Variants in PSMG3 observed in about 807,000 individuals in gnomAD.
PSMG3 encodes PAC-3.
A neutral mutation model predicts 7.9 loss-of-function variants in PSMG3; 4 were observed. The ratio of observed to expected loss-of-function variants is 0.51; its 90% CI spans 0.25 to 1.16. PSMG3 has a LOEUF of 1.16. Ranked by LOEUF, PSMG3 falls within the 50% of genes most tolerant of loss-of-function variation. The pLI, the probability that PSMG3 is intolerant of heterozygous loss-of-function variation, is 0.15. For synonymous variants in PSMG3, 81 were observed against 69.8 expected (o/e 1.16, Z -0.80); for missense variants, 151 against 157.4 (o/e 0.96, Z 0.22).
At chr7:1,567,977 C>A in intron 1 of PSMG3, 127 bp from the exon 2 acceptor site, 3 of 804,554 alleles carry the variant, frequency 3.7e-6, no homozygotes, top group Non-Finnish European at 5.8e-6. Flanking sequence ...CCACATAAGT[C>A]CATGCAACTG....
rs775920433 is a variant in PSMG3, at chr7:1,569,215, A to T, written c.125T>A (p.Met42Lys). 2 of 1,613,714 alleles carry T rather than the reference A, an allele frequency of 1.2e-6. No homozygotes were observed. The highest frequency in any genetic ancestry group is 2.2e-5 in the South Asian group (2 of 91,090). ...GGGCTCCAGGGAGACCAGGGTGCCC[A>T]TCTTCCCAAACTGGGTCACCACCAC... ...ILVVVTQFGK[M>K]GTLVSLEPSS... is the part of the protein sequence containing the mutation. Residue 42 changes from methionine (M) to lysine (K), a missense_variant, in exon 1 of 2, where the codon ATG (methionine) becomes AAG (lysine). Met to Lys is a moderately conservative substitution (Grantham distance 95). Transcript: ENST00000288607.
At chr7:1,569,002 G>C in intron 1 of PSMG3, 122 bp downstream of exon 1, 1 of 737,446 alleles carries the variant, frequency 1.4e-6, no homozygotes, top group Non-Finnish European at 2.3e-6. Context: ...TGACTTGTGT[G>C]TGTGTTGTTG....
chr7:1,567,453 G>A lies in PSMG3; in HGVS notation c.*245C>T, dbSNP rs909018263. The A allele has an allele frequency of 1.1e-5, 4 of 380,596 alleles. No homozygotes were observed. The highest frequency in any genetic ancestry group is 4.0e-5 in the East Asian group (1 of 25,066). The allele number at this position is 380,596 out of a possible 1,614,324, so 23.6% of individuals were successfully genotyped here. On this transcript the variant is annotated 3_prime_UTR_variant, in exon 2 of 2. Coordinates refer to ENST00000288607, the MANE Select transcript of PSMG3 (RefSeq NM_032302.4). Reference sequence around the variant, plus strand: ...CCTCCAATTCTCAAACACAAGCAACGATTCAGGTCCTGGTGAGAACCATTC... The same window carrying A: ...CCTCCAATTCTCAAACACAAGCAACAATTCAGGTCCTGGTGAGAACCATTC...
chr7:1,569,596 C>CA lies in PSMG3; in HGVS notation c.-258dup, dbSNP rs1217162070. 7 of 256,846 alleles carry CA rather than the reference C, an allele frequency of 2.7e-5. No homozygotes were observed. The highest frequency in any genetic ancestry group is 2.2e-3 in the Middle Eastern group (2 of 890). 15.9% of individuals were successfully genotyped at this position (256,846 alleles called of 1,614,324 possible). A position where few individuals can be genotyped will look rare whatever the true frequency, so the allele number is the denominator to read the frequency against. Reference sequence around the variant, plus strand: ...AGCCTGGCCAACATAGCGAGACCCCCATCTCTACCAAAAAAAAAAAAAAAA... The same window carrying CA: ...AGCCTGGCCAACATAGCGAGACCCCCAATCTCTACCAAAAAAAAAAAAAAAA... On this transcript the variant is annotated 5_prime_UTR_variant, in exon 1 of 2. The change abolishes an upstream ATG in the 5' untranslated region. Transcript: ENST00000288607.
At chr7:1,569,010 T>C (rs909261529) in intron 1 of PSMG3, 114 bp downstream of exon 1, 2 of 783,886 alleles carry the variant, frequency 2.6e-6, no homozygotes, top group African/African-American at 3.4e-5. Context: ...GTGTGTGTTG[T>C]TGTGTTGCCC....
In PSMG3 at chr7:1,569,587, C is replaced by T. The variant is rs2128557218; in HGVS notation, c.-248G>A. The T allele has an allele frequency of 7.0e-6, 2 of 284,552 alleles. No individual in the cohort carries two copies. The highest frequency in any genetic ancestry group is 5.6e-5 in the East Asian group (1 of 17,822). 17.6% of individuals were successfully genotyped at this position (284,552 alleles called of 1,614,324 possible). On this transcript the variant is annotated 5_prime_UTR_variant, in exon 1 of 2. Coordinates refer to ENST00000288607, the MANE Select transcript of PSMG3 (RefSeq NM_032302.4). ...TTCGAGACCAGCCTGGCCAACATAG[C>T]GAGACCCCCATCTCTACCAAAAAAA... is the stretch of plus-strand genomic sequence containing the variant.
chr7:1,567,742 G>T lies in PSMG3; in HGVS notation c.325C>A (p.Leu109Met). 1 of 1,614,044 alleles carries T rather than the reference G, an allele frequency of 6.2e-7. No individual in the cohort carries two copies. The highest frequency in any genetic ancestry group is 8.5e-7 in the Non-Finnish European group (1 of 1,179,984). The change falls in exon 2 of 2, where the codon CTG (leucine) becomes ATG (methionine). Residue 109 changes from leucine to methionine, a missense_variant. Coordinates refer to ENST00000288607, the MANE Select transcript of PSMG3 (RefSeq NM_032302.4). The part of the protein sequence containing the change: ...VAVKDKSMEG[L>M]KALREVIRVC... Reference sequence around the variant, plus strand: ...CGGATCACCTCCCTCAGCGCCTTCAGCCCCTCCATGCTTTTGTCCTTCACG... The same window carrying T: ...CGGATCACCTCCCTCAGCGCCTTCATCCCCTCCATGCTTTTGTCCTTCACG...
Position 1,567,760 on chromosome 7 carries a change from C to G in PSMG3, c.307G>C (p.Asp103His). 1 of 1,614,194 alleles carries G rather than the reference C, an allele frequency of 6.2e-7. No homozygotes were observed. Among genetic ancestry groups the G allele is most frequent in the Non-Finnish European group, 8.5e-7 (1 of 1,180,034 alleles). ...GCCTTCAGCCCCTCCATGCTTTTGTCCTTCACGGCCACGGCGAGGAGGACT... is the reference window on the plus strand; with the variant it reads ...GCCTTCAGCCCCTCCATGCTTTTGTGCTTCACGGCCACGGCGAGGAGGACT... ...RAVLLAVAVK[D>H]KSMEGLKALR... Residue 103 changes from aspartate to histidine, a missense_variant, in exon 2 of 2, where the codon GAC (aspartate) becomes CAC (histidine). Coordinates refer to ENST00000288607, the MANE Select transcript of PSMG3 (RefSeq NM_032302.4).
At position 1,567,574 on chromosome 7, in the gene PSMG3, T is replaced by C; in HGVS notation, c.*124A>G. 2.2e-6 allele frequency: 2 copies of C among 925,178 alleles called. No individual in the cohort carries two copies. Among genetic ancestry groups the C allele is most frequent in the Non-Finnish European group, 1.6e-6 (1 of 614,732 alleles). 57.3% of individuals were successfully genotyped at this position (925,178 alleles called of 1,614,324 possible). On this transcript the variant is annotated 3_prime_UTR_variant, in exon 2 of 2. Transcript: ENST00000288607. ...TGCCTGAGACACGAGTCTTTTTTCC[T>C]GGCTCCAAGGGCTAGTGCCAAAGTT...
In PSMG3 at chr7:1,569,892, C is replaced by T. The variant is rs116441785; in HGVS notation, c.-553G>A. The T allele has an allele frequency of 0.082, 12,486 of 152,018 alleles. 746 individuals carry two copies. The highest frequency in any genetic ancestry group is 0.17 in the African/African-American group (7,107 of 41,514). The allele number at this position is 152,018 out of a possible 1,614,324, so 9.4% of individuals were successfully genotyped here. A position where few individuals can be genotyped will look rare whatever the true frequency, so the allele number is the denominator to read the frequency against. On this transcript the variant is annotated 5_prime_UTR_variant, in exon 1 of 2. Transcript: ENST00000288607. ...GCAGTGGCTTCCCGCCCCTCGGCCT[C>T]GCCGCCGCCCCGGCCCTGCAGCCGC... is the stretch of plus-strand genomic sequence containing the variant.
At chr7:1,568,244 C>G (rs1338228797) in intron 1 of PSMG3, among the ~76,000 whole-genome samples, 1 of 151,966 alleles carries the variant, frequency 6.6e-6, no homozygotes, top group African/African-American at 2.4e-5. Context: ...AATGACAAAA[C>G]TGCTGCTTCT....
At chr7:1,568,937 T>C (rs1293113627) in intron 1 of PSMG3, among the ~76,000 whole-genome samples, 187 bp downstream of exon 1, 1 of 152,110 alleles carries the variant, frequency 6.6e-6, no homozygotes, top group South Asian at 2.1e-4. Flanking sequence ...TGTGAGCCAC[T>C]GCACCCAGCC....
Position 1,569,313 on chromosome 7 carries a change from CGA to C in PSMG3, c.25_26del (p.Ser9GlufsTer47), listed in dbSNP as rs1243917640. On this transcript the variant is annotated frameshift_variant, in exon 1 of 2. Coordinates refer to ENST00000288607, the MANE Select transcript of PSMG3 (RefSeq NM_032302.4). LOFTEE classifies it high-confidence loss of function. MEDTPLVI[S>X]KQKTEVVCGV... ...CGCACACCACCTCCGTCTTCTGCTT[CGA>C]TATCACCAACGGCGTGTCTTCCATG... 6.2e-7 allele frequency: 1 copy of C among 1,610,350 alleles called. No homozygotes were observed. The highest frequency in any genetic ancestry group is 1.3e-5 in the African/African-American group (1 of 74,834).
At chr7:1,567,993 C>G in intron 1 of PSMG3, 143 bp from the exon 2 acceptor site, 1 of 712,910 alleles carries the variant, frequency 1.4e-6, no homozygotes, top group South Asian at 1.9e-5. Context: ...AACTGTGACT[C>G]AGAGTTCTGG....
In PSMG3 at chr7:1,567,348, C is replaced by T. The variant is rs953635376; in HGVS notation, c.*350G>A. On this transcript the variant is annotated 3_prime_UTR_variant, in exon 2 of 2. Coordinates refer to ENST00000288607, the MANE Select transcript of PSMG3 (RefSeq NM_032302.4). ...AGTGAAGTATTTTGGGATACACATT[C>T]GCTTTTAATAAAAAAGAAATTTCCT... 8 of 197,884 alleles carry T rather than the reference C, an allele frequency of 4.0e-5. No individual in the cohort carries two copies. Among genetic ancestry groups the T allele is most frequent in the African/African-American group, 1.9e-4 (8 of 43,148 alleles). 12.3% of individuals were successfully genotyped at this position (197,884 alleles called of 1,614,324 possible).
chr7:1,567,661 G>A lies in PSMG3; in HGVS notation c.*37C>T, dbSNP rs1296903122. 10 of 1,584,684 alleles carry A rather than the reference G, an allele frequency of 6.3e-6. No homozygotes were observed. Among genetic ancestry groups the A allele is most frequent in the South Asian group, 2.3e-5 (2 of 87,046 alleles). ...CCTGAGTGGGTGTCTGGGTGTTCACGTGTCCTGCTGAGCAGCGCGGGGCGG... is the reference window on the plus strand; with the variant it reads ...CCTGAGTGGGTGTCTGGGTGTTCACATGTCCTGCTGAGCAGCGCGGGGCGG... On this transcript the variant is annotated 3_prime_UTR_variant, in exon 2 of 2. Coordinates refer to ENST00000288607, the MANE Select transcript of PSMG3 (RefSeq NM_032302.4).
chr7:1,569,692 G>C lies in PSMG3; in HGVS notation c.-353C>G. The C allele has an allele frequency of 4.6e-6, 1 of 216,242 alleles. No homozygotes were observed. Among genetic ancestry groups the C allele is most frequent in the Non-Finnish European group, 9.4e-6 (1 of 106,612 alleles). The allele number at this position is 216,242 out of a possible 1,614,324, so 13.4% of individuals were successfully genotyped here. A position where few individuals can be genotyped will look rare whatever the true frequency, so the allele number is the denominator to read the frequency against. ...AGGCGGGAAGATCGCTTCAGCCCGG[G>C]AGGTCGAGGCTGCGGTGAGCCGTGA... On this transcript the variant is annotated 5_prime_UTR_variant, in exon 1 of 2. Coordinates refer to ENST00000288607, the MANE Select transcript of PSMG3 (RefSeq NM_032302.4).
intron 1 of PSMG3, among the ~76,000 whole-genome samples, chr7:1,568,453 T>TTTA (rs56016686): frequency 0.14 from 20,727 of 147,868 alleles, 1,818 homozygotes; most frequent in African/African-American, 0.24. Flanking sequence ...TCCTGACCAC[T>TTTA]TTATTATTAT....
chr7:1,569,329 G>A lies in PSMG3; in HGVS notation c.11C>T (p.Thr4Met), dbSNP rs191447831. ...CTTCTGCTTCGATATCACCAACGGC[G>A]TGTCTTCCATGGCGGGGCTCTGCAG... Reference protein sequence around the residue: MEDTPLVISKQKTE... With the variant: MEDMPLVISKQKTE... Residue 4 changes from threonine to methionine, a missense_variant, in exon 1 of 2, where the codon ACG becomes ATG. By Grantham distance (81) the Thr-to-Met change is moderately conservative. Transcript: ENST00000288607. 5.6e-6 allele frequency: 9 copies of A among 1,605,964 alleles called. No individual in the cohort carries two copies. The highest frequency in any genetic ancestry group is 1.7e-5 in the Admixed American group (1 of 59,422).
Sources: gnomAD v4.1 joint callset for allele counts (sites outside exome capture counted in the v4.1 genomes callset) on GRCh38, gnomAD v4.1.1 for gene constraint, MANE v1.5 for transcripts, NCBI Gene and HGNC (gene_info 2026-07-23, HGNC 2026-07-21) for gene names.